Variants in CCDC191 observed in about 807,000 individuals in gnomAD.
CCDC191 encodes coiled-coil domain containing 191.
CCDC191 carries 99 observed loss-of-function variants against 114.0 expected under a neutral mutation model. The observed-to-expected ratio is 0.87, with a 90% CI of 0.74 to 1.03. CCDC191 has a LOEUF of 1.03. Ranked by LOEUF, CCDC191 falls within the 50% of genes least tolerant of loss-of-function variation. The probability of loss-of-function intolerance (pLI) is 0.00; values close to 1 mark genes in which losing one functional copy is unlikely to be tolerated. For missense variants in CCDC191, 973 were observed against 1,087.0 expected (o/e 0.90, Z 1.47); for synonymous variants, 351 against 376.0 (o/e 0.93, Z 0.77).
At chr3:113,982,535 T>C (rs545686982) in intron 13 of CCDC191, among the ~76,000 whole-genome samples, 28 of 152,186 alleles carry the variant, frequency 1.8e-4, no homozygotes, top group African/African-American at 6.5e-4. Context: ...CACAGATCAC[T>C]GAGGCTAAAA....
chr3:114,041,866 C>T (rs897108218), intron 4 of CCDC191, among the ~76,000 whole-genome samples: 7 of 151,816 alleles, frequency 4.6e-5, no homozygotes, highest in Admixed American at 1.3e-4. Context: ...ACTTGTCTGA[C>T]GCTGGCTCTG....
At chr3:114,052,447 CTAGA>C (rs532491302) in intron 2 of CCDC191, among the ~76,000 whole-genome samples, 76 of 152,264 alleles carry the variant, frequency 5.0e-4, no homozygotes, top group African/African-American at 1.8e-3. Flanking sequence ...GCTAGTCTTA[CTAGA>C]TAGAGGAGTG....
intron 7 of CCDC191, among the ~76,000 whole-genome samples, chr3:114,025,733 A>G (rs1170292277): frequency 6.6e-6 from 1 of 152,096 alleles, no homozygotes; most frequent in East Asian, 1.9e-4. Context: ...GCTCCCTATC[A>G]CCTTCTCTTT....
chr3:114,001,688 T>A lies in CCDC191; in HGVS notation c.2070A>T (p.Leu690Phe). The A allele has an allele frequency of 6.2e-7, 1 of 1,613,838 alleles. No homozygotes were observed. Among genetic ancestry groups the A allele is most frequent in the Non-Finnish European group, 8.5e-7 (1 of 1,179,810 alleles). The change falls in exon 13 of 17, where the codon TTA (leucine) becomes TTT (phenylalanine). Residue 690 changes from leucine (L) to phenylalanine (F), a missense_variant. Leu to Phe is a conservative substitution (Grantham distance 22). Coordinates refer to ENST00000295878, the MANE Select transcript of CCDC191 (RefSeq NM_020817.2). ...KKQEEEKLAQ[L>F]KAQEEERQKR... ...TCTGACGTTCCTCCTCTTGGGCCTTTAACTGGGCCTGATTGAGATTAGAAC... is the reference window on the plus strand; with the variant it reads ...TCTGACGTTCCTCCTCTTGGGCCTTAAACTGGGCCTGATTGAGATTAGAAC...
At chr3:114,045,941 T>G (rs1490506627) in intron 3 of CCDC191, among the ~76,000 whole-genome samples, 2 of 152,262 alleles carry the variant, frequency 1.3e-5, no homozygotes, top group Non-Finnish European at 2.9e-5. Flanking sequence ...TAACCAGTAC[T>G]TCCAGTGCCT....
rs1553747213 is a variant in CCDC191, at chr3:114,006,615, T to TAA, written c.1414-654_1414-653insTT. Among the ~76,000 whole-genome samples, 316 of 84,742 alleles carry TAA rather than the reference T, an allele frequency of 3.7e-3. 6 individuals are homozygous for TAA. Among genetic ancestry groups the TAA allele is most frequent in the Middle Eastern group, 0.031 (4 of 130 alleles). 55.6% of individuals were successfully genotyped at this position (84,742 alleles called of 152,430 possible). On this transcript the variant is annotated intron_variant, in intron 9 of 16. Transcript: ENST00000295878. ...ATATATATATATATATATATATATA[T>TAA]ATAAATATATATATTTTATATATAA...
In CCDC191 at chr3:114,034,962, T is replaced by G; in HGVS notation, c.781A>C (p.Ile261Leu). 6.2e-7 allele frequency: 1 copy of G among 1,614,054 alleles called. No homozygotes were observed. Among genetic ancestry groups the G allele is most frequent in the Non-Finnish European group, 8.5e-7 (1 of 1,179,992 alleles). ...GCTTTCACAGTGCGTCTCCTCTCAATTATCTCCCTCCGCAGCTTCACCATC... is the reference window on the plus strand; with the variant it reads ...GCTTTCACAGTGCGTCTCCTCTCAAGTATCTCCCTCCGCAGCTTCACCATC... ...REMVKLRREI[I>L]ERRRTVKAAW... Residue 261 changes from isoleucine to leucine, a missense_variant, in exon 6 of 17, where the codon ATT becomes CTT. By Grantham distance (5) the Ile-to-Leu change is conservative. Transcript: ENST00000295878.
chr3:113,995,874 C>T (rs2075706449), intron 13 of CCDC191, among the ~76,000 whole-genome samples: 1 of 152,188 alleles, frequency 6.6e-6, no homozygotes, highest in South Asian at 2.1e-4. Context: ...CTCTAATGAT[C>T]AGTGATGATG....
Position 113,965,091 on chromosome 3 carries a change from G to A in CCDC191, c.*64C>T. On this transcript the variant is annotated 3_prime_UTR_variant, in exon 17 of 17. Coordinates refer to ENST00000295878, the MANE Select transcript of CCDC191 (RefSeq NM_020817.2). ...GGTGTATGTATGTATGTGTGTGGGT[G>A]GGTGGAGATAACACACATACAGACT... 2 of 887,684 alleles carry A rather than the reference G, an allele frequency of 2.3e-6. No homozygotes were observed. Among genetic ancestry groups the A allele is most frequent in the African/African-American group, 1.7e-5 (1 of 59,258 alleles). 55.0% of individuals were successfully genotyped at this position (887,684 alleles called of 1,614,324 possible).
intron 9 of CCDC191, among the ~76,000 whole-genome samples, chr3:114,007,181 C>T (rs1045877335): frequency 2.0e-5 from 3 of 152,104 alleles, no homozygotes; most frequent in Non-Finnish European, 2.9e-5. Flanking sequence ...GCTATCTTGG[C>T]CAAAATAATG....
intron 9 of CCDC191, among the ~76,000 whole-genome samples, chr3:114,007,545 A>C (rs958672196): frequency 3.3e-5 from 5 of 152,156 alleles, no homozygotes; most frequent in African/African-American, 1.2e-4. Context: ...GTTCTTTTAA[A>C]CTTGGTGGTA....
chr3:114,049,400 C>A (rs115075690), intron 2 of CCDC191, among the ~76,000 whole-genome samples: 1 of 152,144 alleles, frequency 6.6e-6, no homozygotes, highest in Non-Finnish European at 1.5e-5. Context: ...CGTATATGCA[C>A]ATATGTAAAT....
chr3:113,972,124 GGTTT>G (rs1371890836), intron 16 of CCDC191, among the ~76,000 whole-genome samples: 2 of 151,822 alleles, frequency 1.3e-5, no homozygotes, highest in Non-Finnish European at 2.9e-5. Context: ...TTTGGGGTTT[GGTTT>G]GTTCTTGCTT....
intron 7 of CCDC191, among the ~76,000 whole-genome samples, chr3:114,024,428 T>C (rs929692256): frequency 1.3e-5 from 2 of 152,102 alleles, no homozygotes; most frequent in African/African-American, 4.8e-5. Context: ...CTATTCACAA[T>C]AGCAAAGACT....
chr3:113,967,243 C>T (rs1332759686), intron 16 of CCDC191, among the ~76,000 whole-genome samples: 1 of 152,230 alleles, frequency 6.6e-6, no homozygotes, highest in African/African-American at 2.4e-5. Context: ...GTCTCCCATT[C>T]TCAGCCATTC....
intron 13 of CCDC191, chr3:113,984,717 T>A (rs2075291319): frequency 6.6e-6 from 1 of 152,204 alleles, no homozygotes; most frequent in South Asian, 2.1e-4. Context: ...TGGAAACTAG[T>A]CTATGTGACA....
Position 113,978,306 on chromosome 3 carries a change from A to G in CCDC191, c.2486T>C (p.Val829Ala). 1 of 1,614,020 alleles carries G rather than the reference A, an allele frequency of 6.2e-7. No individual in the cohort carries two copies. Among genetic ancestry groups the G allele is most frequent in the South Asian group, 1.1e-5 (1 of 91,076 alleles). Residue 829 changes from valine to alanine, a missense_variant, in exon 16 of 17, where the codon GTA becomes GCA. Transcript: ENST00000295878. ...AAGAAAATGTACACAAAATTTTCTT[A>G]CTTCTTCCTGCAGATCAATCACGTA... Reference protein sequence around the residue: ...LQYVIDLQEEVRKFCVHFLQK... With the variant: ...LQYVIDLQEEARKFCVHFLQK...
chr3:114,056,294 GCA>G, intron 1 of CCDC191, 81 bp downstream of exon 1: 2 of 1,322,404 alleles, frequency 1.5e-6, no homozygotes, highest in Non-Finnish European at 2.2e-6. Flanking sequence ...GAGGCAGGAA[GCA>G]CAGACGGGCC....
chr3:114,008,541 A>G (rs1318263584), intron 9 of CCDC191, among the ~76,000 whole-genome samples: 1 of 152,160 alleles, frequency 6.6e-6, no homozygotes, highest in Admixed American at 6.6e-5. Flanking sequence ...GCTCTTCTCC[A>G]CAAGGTTTTC....
Sources: gnomAD v4.1 joint callset for allele counts (sites outside exome capture counted in the v4.1 genomes callset) on GRCh38, gnomAD v4.1.1 for gene constraint, MANE v1.5 for transcripts, NCBI Gene and HGNC (gene_info 2026-07-23, HGNC 2026-07-21) for gene names.